Variants in LMO1 observed in about 807,000 individuals in gnomAD.
LMO1 encodes the protein LIM domain only 1, also known as rhombotin-1.
In LMO1, 10 loss-of-function variants were observed where a neutral mutation model predicts 18.0. The ratio of observed to expected loss-of-function variants is 0.55; its 90% CI spans 0.34 to 0.94. The LOEUF (loss-of-function observed/expected upper bound fraction) is 0.94, where lower values mean the gene tolerates loss of function less well. Among genes scored for constraint, LMO1 ranks in the 40% least tolerant of loss-of-function variants. The pLI, the probability that LMO1 is intolerant of heterozygous loss-of-function variation, is 0.02. For synonymous variants in LMO1, 77 were observed against 77.9 expected (o/e 0.99, Z 0.06); for missense variants, 183 against 205.7 (o/e 0.89, Z 0.68).
chr11:8,243,610 C>A (rs1846836471), intron 1 of LMO1, among the ~76,000 whole-genome samples: 1 of 152,202 alleles, frequency 6.6e-6, no homozygotes, highest in Non-Finnish European at 1.5e-5. Context: ...ATCCAGAGCA[C>A]AGAGTCTGCA....
chr11:8,252,017 A>T (rs1847010402), intron 1 of LMO1, among the ~76,000 whole-genome samples: 1 of 150,254 alleles, frequency 6.7e-6, no homozygotes, highest in Non-Finnish European at 1.5e-5. Flanking sequence ...AATGTGTGTG[A>T]GTGTGTGTGT....
chr11:8,240,175 T>C (rs1846760390), intron 1 of LMO1, among the ~76,000 whole-genome samples: 1 of 152,128 alleles, frequency 6.6e-6, no homozygotes, highest in Non-Finnish European at 1.5e-5. Flanking sequence ...CTTGCAGGAA[T>C]ATAAAAGACC....
At chr11:8,263,920 T>C (rs566309348), upstream of LMO1, 1 of 1,006,484 alleles carries the variant, frequency 9.9e-7, no homozygotes, top group South Asian at 4.7e-5. Flanking sequence ...ACACATTTCC[T>C]GAGGCCTCCA....
At chr11:8,227,144 G>T in intron 2 of LMO1, 44 bp from the exon 3 acceptor site, 1 of 1,586,364 alleles carries the variant, frequency 6.3e-7, no homozygotes, top group Non-Finnish European at 8.6e-7. Context: ...ATTCTGGGAA[G>T]CTGGGTGGGC....
intron 1 of LMO1, among the ~76,000 whole-genome samples, chr11:8,247,454 G>T (rs1400897858): frequency 6.6e-6 from 1 of 152,220 alleles, no homozygotes; most frequent in Non-Finnish European, 1.5e-5. Flanking sequence ...TAATCTGAGA[G>T]GACAACCCAA....
rs1328580514 is a variant in LMO1 at position 8,242,708 on chromosome 11, C to T, written c.26-12204G>A. Among the ~76,000 whole-genome samples the T allele has an allele frequency of 2.6e-5, 4 of 152,192 alleles. No individual in the cohort carries two copies. In the East Asian group the frequency reaches 5.8e-4, roughly 22 times the overall value. The stretch of plus-strand genomic sequence containing the variant: ...GCTCCCTGGGCACCCGCAAAGCCCG[C>T]GTCACCCATCTAATGAAACAGGGCT... On this transcript the variant is annotated intron_variant, in intron 1 of 3. Transcript: ENST00000335790.
At chr11:8,266,001 T>C (rs1194317489), upstream of LMO1, among the ~76,000 whole-genome samples, 1 of 149,992 alleles carries the variant, frequency 6.7e-6, no homozygotes, top group Non-Finnish European at 1.5e-5. Context: ...AGGTACCTAA[T>C]TGGCAGCCAC....
At chr11:8,263,057 C>A (rs1202774177) in intron 1 of LMO1, among the ~76,000 whole-genome samples, 1 of 151,974 alleles carries the variant, frequency 6.6e-6, no homozygotes, top group Non-Finnish European at 1.5e-5. Context: ...CGCGGCGCAG[C>A]ACACGGCCAG....
At chr11:8,248,011 C>A (rs988350286) in intron 1 of LMO1, among the ~76,000 whole-genome samples, 4 of 151,472 alleles carry the variant, frequency 2.6e-5, no homozygotes, top group African/African-American at 9.8e-5. Flanking sequence ...GTGCAGGGGG[C>A]AGGGAGGATG....
At chr11:8,232,597 G>A (rs1024663950) in intron 1 of LMO1, among the ~76,000 whole-genome samples, 3 of 152,172 alleles carry the variant, frequency 2.0e-5, no homozygotes, top group South Asian at 4.1e-4. Flanking sequence ...CTCAAACACC[G>A]ACTGGGAAAA....
intron 1 of LMO1, among the ~76,000 whole-genome samples, chr11:8,258,619 C>T (rs1847136761): frequency 1.3e-5 from 2 of 152,318 alleles, no homozygotes; most frequent in South Asian, 4.2e-4. Flanking sequence ...ATAGAGCCTG[C>T]TGTGAAGTTC....
chr11:8,231,375 A>G (rs1000795733), intron 1 of LMO1, among the ~76,000 whole-genome samples: 5 of 152,172 alleles, frequency 3.3e-5, no homozygotes, highest in African/African-American at 1.2e-4. Flanking sequence ...CCCCTCACAC[A>G]CAGGCACGAC....
At chr11:8,261,386 C>A (rs116318199) in intron 1 of LMO1, among the ~76,000 whole-genome samples, 138 of 152,334 alleles carry the variant, frequency 9.1e-4, no homozygotes, top group African/African-American at 3.1e-3. Context: ...AATCCATTCT[C>A]ACTCAAGGCT....
At chr11:8,257,017 T>C (rs1489801403) in intron 1 of LMO1, among the ~76,000 whole-genome samples, 2 of 152,222 alleles carry the variant, frequency 1.3e-5, no homozygotes, top group Non-Finnish European at 2.9e-5. Flanking sequence ...AGTGGTGTGC[T>C]GATGCATGCT....
intron 1 of LMO1, among the ~76,000 whole-genome samples, chr11:8,230,835 T>C (rs1952645706): frequency 6.6e-6 from 1 of 152,182 alleles, no homozygotes; most frequent in African/African-American, 2.4e-5. Flanking sequence ...TCATCCGGAG[T>C]AAGCCTGAAG....
At position 8,227,120 on chromosome 11, in the gene LMO1, G is replaced by C. The variant is rs750509740; in HGVS notation, c.240-20C>G. On this transcript the variant is annotated intron_variant, in intron 2 of 3. Transcript: ENST00000335790. ...AAGAGCCTGCCGAGGGAAGGGCGCA[G>C]AGGACTCAGCAGCATTCTGGGAAGC... The C allele has an allele frequency of 1.2e-6, 2 of 1,606,774 alleles. No homozygotes were observed. The highest frequency in any genetic ancestry group is 1.1e-5 in the South Asian group (1 of 90,784).
At chr11:8,238,530 C>G (rs1483529209) in intron 1 of LMO1, among the ~76,000 whole-genome samples, 4 of 151,736 alleles carry the variant, frequency 2.6e-5, no homozygotes, top group Admixed American at 2.0e-4. Context: ...AATTAGCCAG[C>G]CGTGGTGGCG....
At chr11:8,245,692 A>C (rs1015363924) in intron 1 of LMO1, among the ~76,000 whole-genome samples, 3 of 152,128 alleles carry the variant, frequency 2.0e-5, no homozygotes, top group African/African-American at 7.2e-5. Flanking sequence ...TCTCCTAAAC[A>C]CTCATGTACT....
intron 1 of LMO1, among the ~76,000 whole-genome samples, chr11:8,239,727 G>C (rs1444455741): frequency 2.0e-5 from 3 of 152,296 alleles, no homozygotes; most frequent in Admixed American, 6.5e-5. Flanking sequence ...CTGGAGAGGG[G>C]CCTGGTTCAG....
Sources: gnomAD v4.1 joint callset for allele counts (sites outside exome capture counted in the v4.1 genomes callset) on GRCh38, gnomAD v4.1.1 for gene constraint, MANE v1.5 for transcripts, NCBI Gene and HGNC (gene_info 2026-07-23, HGNC 2026-07-21) for gene names.